Variants in KIAA1328 observed in about 807,000 individuals in gnomAD.
KIAA1328 encodes the protein protein hinderin.
Under a neutral mutation model 68.1 loss-of-function variants are expected in KIAA1328, and 52 were observed. The observed-to-expected ratio is 0.76, with a 90% confidence interval of 0.61 to 0.96. The LOEUF is 0.96. Among genes scored for constraint, KIAA1328 ranks in the 40% least tolerant of loss-of-function variants. KIAA1328 has a pLI of 0.00. For synonymous variants in KIAA1328, 232 were observed against 239.4 expected (o/e 0.97, Z 0.28); for missense variants, 641 against 677.6 (o/e 0.95, Z 0.60).
chr18:37,219,802 A>T (rs1334105626), intron 9 of KIAA1328, among the ~76,000 whole-genome samples: 3 of 152,094 alleles, frequency 2.0e-5, no homozygotes, highest in Non-Finnish European at 4.4e-5. Flanking sequence ...GTGATGCCCC[A>T]CCTTGCTTCG....
chr18:37,208,863 G>T (rs2060263978), intron 9 of KIAA1328, among the ~76,000 whole-genome samples: 1 of 152,164 alleles, frequency 6.6e-6, no homozygotes, highest in African/African-American at 2.4e-5. Flanking sequence ...AATAAAGGGA[G>T]AGATATTACA....
At chr18:37,110,943 G>C (rs567548581) in intron 7 of KIAA1328, among the ~76,000 whole-genome samples, 2 of 152,274 alleles carry the variant, frequency 1.3e-5, no homozygotes, top group South Asian at 4.1e-4. Flanking sequence ...TAGTGAAGAG[G>C]ATTGATTTCT....
intron 6 of KIAA1328, among the ~76,000 whole-genome samples, chr18:36,970,598 C>A (rs2052156392): frequency 2.0e-5 from 3 of 152,182 alleles, no homozygotes. Context: ...TAAGCAACTT[C>A]AGCAAAGTCT....
chr18:37,130,780 TG>T (rs1416272309), intron 7 of KIAA1328, among the ~76,000 whole-genome samples: 4 of 152,096 alleles, frequency 2.6e-5, no homozygotes, highest in Non-Finnish European at 5.9e-5. Context: ...AAAAAGAGTA[TG>T]TGTCTTTTCA....
chr18:36,927,936 G>C (rs1020481923), intron 5 of KIAA1328, among the ~76,000 whole-genome samples: 12 of 152,120 alleles, frequency 7.9e-5, no homozygotes, highest in Non-Finnish European at 1.5e-5. Context: ...TCCCGGATGG[G>C]AGTGCCCTCG....
At chr18:37,020,226 G>A (rs1055587705) in intron 6 of KIAA1328, among the ~76,000 whole-genome samples, 1 of 152,038 alleles carries the variant, frequency 6.6e-6, no homozygotes, top group Non-Finnish European at 1.5e-5. Flanking sequence ...CGCGTTGAGC[G>A]ATCCTCCTGC....
intron 6 of KIAA1328, among the ~76,000 whole-genome samples, chr18:37,043,870 G>A (rs1295031984): frequency 6.6e-6 from 1 of 152,120 alleles, no homozygotes; most frequent in Non-Finnish European, 1.5e-5. Context: ...CAGTGTCCTT[G>A]TTAAATATCT....
chr18:37,230,060 G>C (rs969548902), downstream of KIAA1328: 1 of 152,754 alleles, frequency 6.5e-6, no homozygotes, highest in Non-Finnish European at 1.5e-5. Flanking sequence ...TCTTTAAATG[G>C]GGATCATTGC....
At chr18:37,002,275 C>T (rs1262728184) in intron 6 of KIAA1328, among the ~76,000 whole-genome samples, 3 of 113,074 alleles carry the variant, frequency 2.7e-5, no homozygotes, top group Non-Finnish European at 5.1e-5. Context: ...CTGTTGTGAT[C>T]ATAGCTCACT....
intron 7 of KIAA1328, among the ~76,000 whole-genome samples, chr18:37,148,154 C>T (rs189114043): frequency 1.4e-4 from 21 of 152,126 alleles, no homozygotes; most frequent in Admixed American, 5.2e-4. Context: ...ACAGGCCCCA[C>T]GGTGTGTTGT....
At chr18:36,929,564 G>T (rs1212616565) in intron 5 of KIAA1328, among the ~76,000 whole-genome samples, 1 of 152,000 alleles carries the variant, frequency 6.6e-6, no homozygotes, top group Non-Finnish European at 1.5e-5. Flanking sequence ...TAGGTGTTAT[G>T]CACTGAATAT....
At chr18:37,124,873 A>G (rs1401858478) in intron 7 of KIAA1328, among the ~76,000 whole-genome samples, 3 of 152,210 alleles carry the variant, frequency 2.0e-5, no homozygotes, top group Admixed American at 2.0e-4. Context: ...CAAGGAAAAT[A>G]GCAGTGAGGT....
intron 6 of KIAA1328, among the ~76,000 whole-genome samples, chr18:36,993,613 G>A (rs1397243185): frequency 2.0e-5 from 3 of 152,104 alleles, no homozygotes; most frequent in African/African-American, 4.8e-5. Context: ...AAGAACTAAA[G>A]ATAAAGATAT....
At chr18:36,938,649 G>A (rs1294163456) in intron 5 of KIAA1328, among the ~76,000 whole-genome samples, 1 of 152,034 alleles carries the variant, frequency 6.6e-6, no homozygotes, top group African/African-American at 2.4e-5. Context: ...GTCAAATCCA[G>A]GAATTCACTG....
At chr18:37,209,449 A>G (rs1249354547) in intron 9 of KIAA1328, among the ~76,000 whole-genome samples, 1 of 152,048 alleles carries the variant, frequency 6.6e-6, no homozygotes, top group Non-Finnish European at 1.5e-5. Context: ...AATAGGCTAT[A>G]TATATATATA....
intron 6 of KIAA1328, among the ~76,000 whole-genome samples, chr18:37,012,866 C>T (rs540363300): frequency 6.6e-6 from 1 of 152,002 alleles, no homozygotes; most frequent in Non-Finnish European, 1.5e-5. Context: ...CTTTTAATTT[C>T]CCTGAAAATT....
rs186725464 is a variant in KIAA1328 at position 37,034,740 on chromosome 18, A to G, written c.577-32150A>G. Among the ~76,000 whole-genome samples, 14 of 152,302 alleles carry G rather than the reference A, an allele frequency of 9.2e-5. No homozygotes were observed. In the East Asian group the frequency reaches 2.1e-3, roughly 23 times the overall value. On this transcript the variant is annotated intron_variant, in intron 6 of 9. Coordinates refer to ENST00000280020, the MANE Select transcript of KIAA1328 (RefSeq NM_020776.3). ...CAGGTTAAAAATGCTCTGCATCCCA[A>G]TGGTTTCTTTGTATTCTTGTCATAA...
At chr18:36,893,906 TA>T (rs2048784112) in intron 5 of KIAA1328, among the ~76,000 whole-genome samples, 1 of 152,166 alleles carries the variant, frequency 6.6e-6, no homozygotes, top group South Asian at 2.1e-4. Flanking sequence ...AAGACAGTGT[TA>T]AATTGTTTTT....
intron 7 of KIAA1328, among the ~76,000 whole-genome samples, chr18:37,154,549 C>T (rs1485830416): frequency 2.6e-5 from 4 of 152,186 alleles, no homozygotes; most frequent in Non-Finnish European, 2.9e-5. Flanking sequence ...ACTTTCTCCC[C>T]CATAACTCCT....
Sources: allele counts gnomAD v4.1 joint callset (sites outside exome capture counted in the v4.1 genomes callset), GRCh38; gene constraint gnomAD v4.1.1; transcripts MANE v1.5; gene names NCBI Gene and HGNC (gene_info 2026-07-23, HGNC 2026-07-21).